TYMS: variants seen among roughly 807,000 people sequenced by gnomAD.
The protein encoded by TYMS is thymidylate synthetase.
In TYMS, 21 loss-of-function variants were observed where a neutral mutation model predicts 39.3. That is an observed-to-expected ratio of 0.54 (90% CI 0.38 to 0.77). The LOEUF is 0.77. Ranked by LOEUF, TYMS falls within the 30% of genes least tolerant of loss-of-function variation. TYMS has a pLI of 0.00. For synonymous variants in TYMS, 171 were observed against 162.2 expected, an observed-to-expected ratio of 1.05 and a Z score of -0.41; for missense variants, 273 against 406.7, an observed-to-expected ratio of 0.67 and a Z score of 2.83.
intron 6 of TYMS, 58 bp from the exon 7 acceptor site, chr18:672,802 G>T: frequency 6.6e-7 from 1 of 1,509,042 alleles, no homozygotes; most frequent in South Asian, 1.3e-5. Context: ...CGGACATGAG[G>T]AGCAATTACA....
In TYMS at chr18:667,010, G is replaced by C. The variant is rs2074845464; in HGVS notation, c.455-2062G>C. Among the ~76,000 whole-genome samples, 6 of 7,330 alleles carry C rather than the reference G, an allele frequency of 8.2e-4. 1 individual carries two copies. In the South Asian group the frequency reaches 0.031, roughly 38 times the overall value. The allele number at this position is 7,330 out of a possible 152,430, so 4.8% of individuals were successfully genotyped here. A position where few individuals can be genotyped will look rare whatever the true frequency, so the allele number is the denominator to read the frequency against. On this transcript the variant is annotated intron_variant, in intron 3 of 6. Transcript: ENST00000323274. ...GGTGATGGTGATGGAGATGGTGATG[G>C]TGATGGAGATGGAGATGGTGATGGA...
At chr18:667,364 AGATGGTGATGGT>A (rs1452151862) in intron 3 of TYMS, among the ~76,000 whole-genome samples, 1 of 8,426 alleles carries the variant, frequency 1.2e-4, no homozygotes, top group East Asian at 0.016. Context: ...ATGGTGATGG[AGATGGTGATGGT>A]GATGGTGATG....
At position 660,857 on chromosome 18, in the gene TYMS, T is replaced by C. The variant is rs1205252738; in HGVS notation, c.279+1143T>C. Among the ~76,000 whole-genome samples the C allele has an allele frequency of 1.3e-5, 2 of 152,198 alleles. No homozygotes were observed. The highest frequency in any genetic ancestry group is 4.8e-5 in the African/African-American group (2 of 41,454). On this transcript the variant is annotated intron_variant, in intron 2 of 6. Coordinates refer to ENST00000323274, the MANE Select transcript of TYMS (RefSeq NM_001071.4). The surrounding 1 kb of genome is among the most constrained non-coding windows in gnomAD (Gnocchi z 4.6). Reference sequence around the variant, plus strand: ...GATCCCTTCTATAGAGCACTTGGTATGGCTTGTATGGTCTTGGGGCAAGCC... The same window carrying C: ...GATCCCTTCTATAGAGCACTTGGTACGGCTTGTATGGTCTTGGGGCAAGCC...
intron 3 of TYMS, among the ~76,000 whole-genome samples, chr18:666,567 G>T (rs565101542): frequency 6.6e-6 from 1 of 152,268 alleles, no homozygotes; most frequent in East Asian, 1.9e-4. Flanking sequence ...TTACTAGCTG[G>T]GCAGAGACCA....
intron 3 of TYMS, 81 bp downstream of exon 3, chr18:662,401 G>A: frequency 7.5e-7 from 1 of 1,328,260 alleles, no homozygotes. Context: ...GATAAGGTCT[G>A]GGGGATGAGT....
At chr18:666,817 G>A (rs1206558631) in intron 3 of TYMS, among the ~76,000 whole-genome samples, 1 of 152,266 alleles carries the variant, frequency 6.6e-6, no homozygotes, top group Non-Finnish European at 1.5e-5. Flanking sequence ...CCAGGGACTG[G>A]GGAACAGGGA....
At position 657,827 on chromosome 18, in the gene TYMS, G is replaced by A. The variant is rs1275814898; in HGVS notation, c.85G>A (p.Gly29Arg). The A allele has an allele frequency of 6.8e-7, 1 of 1,470,952 alleles. No homozygotes were observed. 91.1% of individuals were successfully genotyped at this position (1,470,952 alleles called of 1,614,324 possible). A position where few individuals can be genotyped will look rare whatever the true frequency, so the allele number is the denominator to read the frequency against. The change falls in exon 1 of 7, where the codon GGG becomes AGG. Residue 29 changes from glycine (G) to arginine (R), a missense_variant. Physicochemically the swap from Gly to Arg is moderately radical, Grantham distance 125. Around this residue, in one of 3 missense-constraint regions of TYMS, gnomAD observed 228 missense variants for 326.1 expected, o/e 0.70. Coordinates refer to ENST00000323274, the MANE Select transcript of TYMS (RefSeq NM_001071.4). ...ERDAEPRPPH[G>R]ELQYLGQIQH... Reference sequence around the variant, plus strand: ...GGACGCCGAGCCGCGTCCGCCGCACGGGGAGCTGCAGTACCTGGGGCAGAT... The same window carrying A: ...GGACGCCGAGCCGCGTCCGCCGCACAGGGAGCTGCAGTACCTGGGGCAGAT...
intron 1 of TYMS, among the ~76,000 whole-genome samples, chr18:659,005 C>A (rs1457528506): frequency 6.6e-6 from 1 of 152,160 alleles, no homozygotes; most frequent in Non-Finnish European, 1.5e-5. Context: ...AGCCCAGGGG[C>A]CTTTGATGAG....
rs910134246 is a variant in TYMS at position 657,752 on chromosome 18, G to T, written c.10G>T (p.Ala4Ser). The change falls in exon 1 of 7, where the codon GCC becomes TCC. Residue 4 changes from alanine to serine, a missense_variant. Coordinates refer to ENST00000323274, the MANE Select transcript of TYMS (RefSeq NM_001071.4). MPV[A>S]GSELPRRPLP... ...CCCCGCCCGCCGCGCCATGCCTGTG[G>T]CCGGCTCGGAGCTGCCGCGCCGGCC... 134 of 1,410,476 alleles carry T rather than the reference G, an allele frequency of 9.5e-5. No individual in the cohort carries two copies. Among genetic ancestry groups the T allele is most frequent in the Non-Finnish European group, 1.2e-4 (131 of 1,090,508 alleles). The allele number at this position is 1,410,476 out of a possible 1,614,324, so 87.4% of individuals were successfully genotyped here.
At position 672,749 on chromosome 18, in the gene TYMS, G is replaced by A. The variant is rs118065220; in HGVS notation, c.805-111G>A. On this transcript the variant is annotated intron_variant, in intron 6 of 6. Transcript: ENST00000323274. ...AAGGTATCGACAGGATCATACTCCT[G>A]TAAAATAGAACTTTGTTGATCACAT... 6.8e-5 allele frequency: 87 copies of A among 1,284,138 alleles called. No individual in the cohort carries two copies. In the East Asian group the frequency reaches 2.0e-3, roughly 30 times the overall value. The allele number at this position is 1,284,138 out of a possible 1,614,324, so 79.5% of individuals were successfully genotyped here. A position where few individuals can be genotyped will look rare whatever the true frequency, so the allele number is the denominator to read the frequency against.
chr18:669,276 T>C (rs2074931846), intron 4 of TYMS, 103 bp downstream of exon 4: 1 of 870,916 alleles, frequency 1.1e-6, no homozygotes, highest in Non-Finnish European at 1.8e-6. Flanking sequence ...CCCTGGGAAC[T>C]TCCCCCAGCC....
At position 666,932 on chromosome 18, in the gene TYMS, GTGATGGAGATGGT is replaced by G. The variant is rs1567989509; in HGVS notation, c.455-2139_455-2127del. ...GGTGATGGTGATGGAGATGGTGATG[GTGATGGAGATGGT>G]GATGGTGATGGAGATGGAGATGGTG... On this transcript the variant is annotated intron_variant, in intron 3 of 6. Transcript: ENST00000323274. Among the ~76,000 whole-genome samples, 25 of 59,630 alleles carry G rather than the reference GTGATGGAGATGGT, an allele frequency of 4.2e-4. 2 individuals carry two copies. Among genetic ancestry groups the G allele is most frequent in the Middle Eastern group, 6.9e-3 (1 of 144 alleles). 39.1% of individuals were successfully genotyped at this position (59,630 alleles called of 152,430 possible). A position where few individuals can be genotyped will look rare whatever the true frequency, so the allele number is the denominator to read the frequency against.
chr18:664,425 A>C (rs11875638), intron 3 of TYMS, among the ~76,000 whole-genome samples: 2,820 of 145,242 alleles, frequency 0.019, 105 homozygotes, highest in African/African-American at 0.071. Flanking sequence ...GGGCTGAGAC[A>C]ATGGGGTTTT....
At chr18:666,523 T>G (rs1250484806) in intron 3 of TYMS, among the ~76,000 whole-genome samples, 2 of 152,160 alleles carry the variant, frequency 1.3e-5, no homozygotes, top group Non-Finnish European at 2.9e-5. Flanking sequence ...GAAAAGCAGA[T>G]GCCACCTTGG....
chr18:666,891 A>AGATGAGTGATGGCGATGGAGATGGT (rs1555639480), intron 3 of TYMS, among the ~76,000 whole-genome samples: 1 of 62,146 alleles, frequency 1.6e-5, no homozygotes, highest in Non-Finnish European at 3.0e-5. Flanking sequence ...AAAGTTCGGG[A>AGATGAGTGATGGCGATGGAGATGGT]GATGGTGATG....
Position 660,875 on chromosome 18 carries a change from G to A in TYMS, c.279+1161G>A, listed in dbSNP as rs568789451. On this transcript the variant is annotated intron_variant, in intron 2 of 6. Transcript: ENST00000323274. This position sits in a 1 kb window ranked among gnomAD's most constrained non-coding sequence, Gnocchi z 4.6. ...CTTGGTATGGCTTGTATGGTCTTGG[G>A]GCAAGCCAGACCCAAGCCCTCTTAT... 2.1e-3 allele frequency among the ~76,000 whole-genome samples: 314 copies of A among 152,234 alleles called. 3 individuals carry two copies. In the South Asian group the frequency reaches 0.025, roughly 12 times the overall value.
rs370425667 is a variant in TYMS, at chr18:673,017, G to A, written c.*20G>A. 61 of 1,527,848 alleles carry A rather than the reference G, an allele frequency of 4.0e-5. No homozygotes were observed. The highest frequency in any genetic ancestry group is 5.1e-5 in the Non-Finnish European group (57 of 1,119,946). 94.6% of individuals were successfully genotyped at this position (1,527,848 alleles called of 1,614,324 possible). On this transcript the variant is annotated 3_prime_UTR_variant, in exon 7 of 7. Transcript: ENST00000323274. Reference sequence around the variant, plus strand: ...GTTTAGGGTGCTTTCAAAGGAGCTCGAAGGATATTGTCAGTCTTTAGGGGT... The same window carrying A: ...GTTTAGGGTGCTTTCAAAGGAGCTCAAAGGATATTGTCAGTCTTTAGGGGT...
chr18:664,500 A>G (rs1467698171), intron 3 of TYMS, among the ~76,000 whole-genome samples: 1 of 139,354 alleles, frequency 7.2e-6, no homozygotes, highest in Non-Finnish European at 1.5e-5. Flanking sequence ...CTAATTGAAT[A>G]CCCTTTATTT....
chr18:660,540 C>G lies in TYMS; in HGVS notation c.279+826C>G, dbSNP rs2074746743. ...GTATCGCCAGGGCCTCAAACACAGC[C>G]TGCCACATAGTAGGAGTCAACATAT... is the stretch of plus-strand genomic sequence containing the variant. On this transcript the variant is annotated intron_variant, in intron 2 of 6. Transcript: ENST00000323274. This position sits in a 1 kb window ranked among gnomAD's most constrained non-coding sequence, Gnocchi z 4.6. 6.6e-6 allele frequency among the ~76,000 whole-genome samples: 1 copy of G among 152,216 alleles called. No individual in the cohort carries two copies. The highest frequency in any genetic ancestry group is 1.5e-5 in the Non-Finnish European group (1 of 68,046).
Sources: allele counts gnomAD v4.1 joint callset (sites outside exome capture counted in the v4.1 genomes callset), GRCh38; gene constraint gnomAD v4.1.1; regional missense constraint gnomAD v4.1.1; non-coding constraint Gnocchi (gnomAD v3.1); transcripts MANE v1.5; gene names NCBI Gene and HGNC (gene_info 2026-07-23, HGNC 2026-07-21).